The following ATR variants were observed in gnomAD, a reference collection of about 807,000 sequenced individuals.
ATR encodes ATR checkpoint kinase.
In ATR, 142 loss-of-function variants were observed where a neutral mutation model predicts 305.3. The ratio of observed to expected loss-of-function variants is 0.47; its 90% CI spans 0.41 to 0.53. The LOEUF (loss-of-function observed/expected upper bound fraction) is 0.53, where lower values mean the gene tolerates loss of function less well. ATR is among the 20% of genes least tolerant of loss of function. The probability of loss-of-function intolerance (pLI) is 0.00; values close to 1 mark genes in which losing one functional copy is unlikely to be tolerated. For missense variants in ATR, 2,135 were observed against 3,133.1 expected (o/e 0.68, Z 7.60); for synonymous variants, 1,050 against 1,068.1 (o/e 0.98, Z 0.33).
intron 46 of ATR, chr3:142,451,423 T>C: frequency 6.7e-7 from 1 of 1,487,358 alleles, no homozygotes; most frequent in Non-Finnish European, 9.0e-7. Flanking sequence ...AATATTTTTC[T>C]TCATGGCCCT....
In ATR at chr3:142,485,419, T is replaced by A. The variant is rs574566452; in HGVS notation, c.6079-137A>T. The A allele has an allele frequency of 8.0e-5, 87 of 1,085,006 alleles. No individual in the cohort carries two copies. The African/African-American group carries it at 1.3e-3, about 16-fold the overall frequency. The allele number at this position is 1,085,006 out of a possible 1,614,324, so 67.2% of individuals were successfully genotyped here. A position where few individuals can be genotyped will look rare whatever the true frequency, so the allele number is the denominator to read the frequency against. ...GCAAAGTCAAAAGCAGACTCAATCT[T>A]TGATGTGGAAAAGGAATAGCTAACT... is the stretch of plus-strand genomic sequence containing the variant. On this transcript the variant is annotated intron_variant, in intron 35 of 46. Transcript: ENST00000350721.
chr3:142,492,076 T>C (rs1455138824), intron 35 of ATR, among the ~76,000 whole-genome samples: 1 of 152,214 alleles, frequency 6.6e-6, no homozygotes, highest in African/African-American at 2.4e-5. Flanking sequence ...TGTTAGGCTT[T>C]GATCTGGCAG....
chr3:142,460,136 G>C (rs1412170314), intron 42 of ATR, among the ~76,000 whole-genome samples: 1 of 152,074 alleles, frequency 6.6e-6, no homozygotes, highest in African/African-American at 2.4e-5. Flanking sequence ...TGTGAACTTA[G>C]ACAAGTTACG....
At chr3:142,517,141 T>C (rs574614764) in intron 24 of ATR, among the ~76,000 whole-genome samples, 110 of 151,704 alleles carry the variant, frequency 7.3e-4, no homozygotes, top group African/African-American at 2.2e-3. Flanking sequence ...CTGGATGATT[T>C]TTATCAAATT....
chr3:142,463,627 C>T (rs1158311244), intron 41 of ATR, among the ~76,000 whole-genome samples: 1 of 152,166 alleles, frequency 6.6e-6, no homozygotes, highest in Non-Finnish European at 1.5e-5. Context: ...GAACTACTGG[C>T]CTCAAGTGAT....
intron 36 of ATR, among the ~76,000 whole-genome samples, chr3:142,473,252 A>G (rs2071338216): frequency 6.6e-6 from 1 of 152,106 alleles, no homozygotes; most frequent in Admixed American, 6.6e-5. Flanking sequence ...TAAGTTTTTA[A>G]GCCATTTTGA....
rs910698515 is a variant in ATR, at chr3:142,513,420, T to A, written c.4641+81A>T. 5 of 1,510,894 alleles carry A rather than the reference T, an allele frequency of 3.3e-6. No individual in the cohort carries two copies. The South Asian group carries it at 5.7e-5, about 17-fold the overall frequency. The allele number at this position is 1,510,894 out of a possible 1,614,324, so 93.6% of individuals were successfully genotyped here. ...TACATAGGTCTACATTTCCTACTAA[T>A]AGGTAGCCTTTCTAATACTAATTAC... is the stretch of plus-strand genomic sequence containing the variant. On this transcript the variant is annotated intron_variant, in intron 26 of 46. Transcript: ENST00000350721.
At chr3:142,556,311 C>T (rs2034670116) in intron 9 of ATR, 72 bp downstream of exon 9, 6 of 1,536,300 alleles carry the variant, frequency 3.9e-6, no homozygotes, top group South Asian at 3.4e-5. Flanking sequence ...AAACACAACC[C>T]TGCATACATA....
At chr3:142,476,429 C>T (rs1453040678) in intron 36 of ATR, among the ~76,000 whole-genome samples, 2 of 152,122 alleles carry the variant, frequency 1.3e-5, no homozygotes, top group East Asian at 3.9e-4. Context: ...TTTCTGAGGG[C>T]TCTGTTCTGT....
chr3:142,450,040 A>G, intron 46 of ATR: 1 of 296,916 alleles, frequency 3.4e-6, no homozygotes, highest in Non-Finnish European at 6.4e-6. Context: ...AGCATATCTG[A>G]ATGCAAAAGG....
chr3:142,529,798 C>CT (rs2033566235), intron 21 of ATR, among the ~76,000 whole-genome samples: 1 of 151,964 alleles, frequency 6.6e-6, no homozygotes. Flanking sequence ...TACCAATCTA[C>CT]TTTTTTTTCT....
At position 142,466,495 on chromosome 3, in the gene ATR, A is replaced by G. The variant is rs56030954; in HGVS notation, c.6726T>C (p.His2242=). The change falls in exon 40 of 47, where the codon CAT becomes CAC. Residue 2242 remains histidine (H), a synonymous_variant. Coordinates refer to ENST00000350721, the MANE Select transcript of ATR (RefSeq NM_001184.4). ...GSSSTLSMST[H]FKMLKKLVEE... ...CTACCAGCTTTTTAAGCATTTTAAA[A>G]TGAGTGCTCATGCTTAATGTGGAAC... 1.9e-4 allele frequency: 312 copies of G among 1,613,874 alleles called. 1 individual carries two copies. In the African/African-American group the frequency reaches 3.5e-3, roughly 18 times the overall value.
At chr3:142,451,844 C>T in intron 46 of ATR, 2 of 1,307,088 alleles carry the variant, frequency 1.5e-6, no homozygotes, top group Non-Finnish European at 2.0e-6. Flanking sequence ...GCTCTTTCAG[C>T]TGTTTAGAAC....
rs143748927 is a variant in ATR at position 142,576,874 on chromosome 3, G to A, written c.59+1772C>T. On this transcript the variant is annotated intron_variant, in intron 1 of 46. Transcript: ENST00000350721. Reference sequence around the variant, plus strand: ...AAAATTTATCTGAGGGACTGAGGAAGAGCAGCCCATAAATTAGAACACTAA... The same window carrying A: ...AAAATTTATCTGAGGGACTGAGGAAAAGCAGCCCATAAATTAGAACACTAA... Among the ~76,000 whole-genome samples, 11 of 148,316 alleles carry A rather than the reference G, an allele frequency of 7.4e-5. 1 individual carries two copies. The highest frequency in any genetic ancestry group is 2.8e-4 in the African/African-American group (11 of 39,264).
Position 142,560,312 on chromosome 3 carries a change from G to GT in ATR, c.1491dup (p.Gln498ThrfsTer26). On this transcript the variant is annotated frameshift_variant, in exon 6 of 47. Transcript: ENST00000350721. LOFTEE classifies it high-confidence loss of function. ...TGAACAGTACACAGAGCAGTCAGTT[G>GT]TAAGACAACAGCAATTCCTTCTAAC... 6.2e-7 allele frequency: 1 copy of GT among 1,613,942 alleles called. No individual in the cohort carries two copies. Among genetic ancestry groups the GT allele is most frequent in the Non-Finnish European group, 8.5e-7 (1 of 1,179,918 alleles).
chr3:142,568,245 T>A, intron 1 of ATR, 91 bp from the exon 2 acceptor site: 1 of 929,078 alleles, frequency 1.1e-6, no homozygotes, highest in Non-Finnish European at 1.7e-6. Flanking sequence ...ATCAAATGTG[T>A]TCAGTGTCAA....
At chr3:142,452,168 G>T in intron 46 of ATR, 1 of 1,015,694 alleles carries the variant, frequency 9.8e-7, no homozygotes, top group Non-Finnish European at 1.2e-6. Flanking sequence ...AAGGATGGGG[G>T]CGTACAGGTC....
intron 46 of ATR, chr3:142,450,655 G>A: frequency 2.5e-6 from 4 of 1,604,838 alleles, no homozygotes; most frequent in East Asian, 4.5e-5. Flanking sequence ...TAAATTAGAT[G>A]GTCAGTATTA....
rs2108482542 is a variant in ATR at position 142,560,286 on chromosome 3, A to G, written c.1518T>C (p.His506=). 2 of 1,613,986 alleles carry G rather than the reference A, an allele frequency of 1.2e-6. No homozygotes were observed. The highest frequency in any genetic ancestry group is 2.2e-5 in the South Asian group (2 of 91,086). ...VLQLTALCTV[H]CSHQNMNCRT... is the part of the protein sequence containing the mutation. ...ACCAGTTCATGTTTTGATGAGAACAATGAACAGTACACAGAGCAGTCAGTT... is the reference window on the plus strand; with the variant it reads ...ACCAGTTCATGTTTTGATGAGAACAGTGAACAGTACACAGAGCAGTCAGTT... The change falls in exon 6 of 47, where the codon CAT becomes CAC. Residue 506 remains histidine, a synonymous_variant. Transcript: ENST00000350721.
Sources: gnomAD v4.1 joint callset for allele counts (sites outside exome capture counted in the v4.1 genomes callset) on GRCh38, gnomAD v4.1.1 for gene constraint, MANE v1.5 for transcripts, NCBI Gene and HGNC (gene_info 2026-07-23, HGNC 2026-07-21) for gene names.